PLEKHA8: variants seen among roughly 807,000 people sequenced by gnomAD.
PLEKHA8 encodes pleckstrin homology domain-containing family A member 8.
Under a neutral mutation model 68.2 loss-of-function variants are expected in PLEKHA8, and 36 were observed. That is an observed-to-expected ratio of 0.53 (90% CI 0.40 to 0.70). The LOEUF (loss-of-function observed/expected upper bound fraction) is 0.70, where lower values mean the gene tolerates loss of function less well. Among genes scored for constraint, PLEKHA8 ranks in the 30% least tolerant of loss-of-function variants. The probability of loss-of-function intolerance (pLI) is 0.00; values close to 1 mark genes in which losing one functional copy is unlikely to be tolerated. For missense variants in PLEKHA8, 505 were observed against 615.4 expected, an observed-to-expected ratio of 0.82 and a Z score of 1.90; for synonymous variants, 211 against 216.1, an observed-to-expected ratio of 0.98 and a Z score of 0.20.
At chr7:30,120,188 ATAAC>A (rs1317357174) in intron 13 of PLEKHA8, among the ~76,000 whole-genome samples, 1 of 152,046 alleles carries the variant, frequency 6.6e-6, no homozygotes, top group Admixed American at 6.6e-5. Context: ...AAAACAGAAA[ATAAC>A]ATGTTGGCAG....
intron 3 of PLEKHA8, among the ~76,000 whole-genome samples, chr7:30,046,727 A>C (rs2127972923): frequency 6.6e-6 from 1 of 152,330 alleles, no homozygotes; most frequent in East Asian, 1.9e-4. Flanking sequence ...ATTAGTGATG[A>C]TAAAATGGTG....
chr7:30,060,882 A>G lies in PLEKHA8; in HGVS notation c.1040-2A>G, dbSNP rs1038216249. On this transcript the variant is annotated splice_acceptor_variant, in intron 9 of 13. Coordinates refer to ENST00000449726, the MANE Select transcript of PLEKHA8 (RefSeq NM_001197026.2). LOFTEE classifies it high-confidence loss of function. ...AGAAATGTTTTTAATCTTTTCTTCT[A>G]GACAAACTTGGCCCTACAGTGTTTG... is the stretch of plus-strand genomic sequence containing the variant. 5 of 1,611,480 alleles carry G rather than the reference A, an allele frequency of 3.1e-6. No homozygotes were observed. Among genetic ancestry groups the G allele is most frequent in the Non-Finnish European group, 4.2e-6 (5 of 1,179,032 alleles).
chr7:30,102,752 G>A (rs1278686314), intron 13 of PLEKHA8, among the ~76,000 whole-genome samples: 1 of 152,198 alleles, frequency 6.6e-6, no homozygotes, highest in African/African-American at 2.4e-5. Flanking sequence ...GCAAATCAGA[G>A]ATTACCAGAG....
In PLEKHA8 at chr7:30,044,056, G is replaced by T. The variant is rs1281547762; in HGVS notation, c.41-1029G>T. Among the ~76,000 whole-genome samples, 10 of 145,976 alleles carry T rather than the reference G, an allele frequency of 6.9e-5. No homozygotes were observed. The East Asian group carries it at 1.4e-3, about 20-fold the overall frequency. ...GATTTTTTTTTTTTTTTTTTGAGAC[G>T]GAGTCTCAAAAAAGATCTCGGCTCA... On this transcript the variant is annotated intron_variant, in intron 1 of 13. Coordinates refer to ENST00000449726, the MANE Select transcript of PLEKHA8 (RefSeq NM_001197026.2).
intron 13 of PLEKHA8, among the ~76,000 whole-genome samples, chr7:30,122,586 T>C (rs990448517): frequency 6.6e-6 from 1 of 152,214 alleles, no homozygotes; most frequent in Non-Finnish European, 1.5e-5. Context: ...CCATTGAGAA[T>C]ATCTCCATCT....
intron 13 of PLEKHA8, chr7:30,118,145 G>GC (rs1649617569): frequency 1.1e-6 from 1 of 872,920 alleles, no homozygotes; most frequent in Non-Finnish European, 1.6e-6. Context: ...AGGATGCCCA[G>GC]CAAGCCCCGA....
intron 13 of PLEKHA8, chr7:30,116,114 A>G (rs919606300): frequency 6.6e-6 from 1 of 150,788 alleles, no homozygotes; most frequent in African/African-American, 2.4e-5. Context: ...GCATACATAC[A>G]CGTATACATG....
At chr7:30,105,423 G>A (rs2128013995) in intron 13 of PLEKHA8, among the ~76,000 whole-genome samples, 1 of 151,396 alleles carries the variant, frequency 6.6e-6, no homozygotes, top group Middle Eastern at 3.4e-3. Flanking sequence ...GGTTGAGATT[G>A]CAGTGAGCTG....
In PLEKHA8 at chr7:30,119,869, C is replaced by T. The variant is rs1796666808; in HGVS notation, c.1363-9397C>T. On this transcript the variant is annotated intron_variant, in intron 13 of 13. Coordinates refer to the PLEKHA8 transcript ENST00000396257. The stretch of plus-strand genomic sequence containing the variant: ...TTAGGATGTATTTATGTGCTCTGAT[C>T]TTCTGGCCTCCTGACACTAAATATA... Among the ~76,000 whole-genome samples the T allele has an allele frequency of 3.3e-5, 5 of 152,314 alleles. No homozygotes were observed. In the South Asian group the frequency reaches 1.0e-3, roughly 32 times the overall value.
chr7:30,124,203 T>C (rs897863649), intron 13 of PLEKHA8, among the ~76,000 whole-genome samples: 5 of 152,218 alleles, frequency 3.3e-5, no homozygotes, highest in Admixed American at 6.5e-5. Flanking sequence ...TTTTAGGACT[T>C]ATTGAGGACC....
intron 13 of PLEKHA8, among the ~76,000 whole-genome samples, chr7:30,117,639 G>C (rs1261416400): frequency 6.6e-6 from 1 of 152,094 alleles, no homozygotes; most frequent in Non-Finnish European, 1.5e-5. Flanking sequence ...AGGAGTTCAA[G>C]GCTGCAGTGA....
Position 30,100,538 on chromosome 7 carries a change from G to A in PLEKHA8, c.1362+26406G>A, listed in dbSNP as rs1234218658. Among the ~76,000 whole-genome samples, 6 of 152,126 alleles carry A rather than the reference G, an allele frequency of 3.9e-5. No individual in the cohort carries two copies. The South Asian group carries it at 8.3e-4, about 21-fold the overall frequency. ...TGCACTCCAACCTGGGCAACAGAGC[G>A]AGACTGTGTCTCAAAAAAATTAATT... On this transcript the variant is annotated intron_variant, in intron 13 of 13. Transcript: ENST00000396257.
rs1790374969 is a variant in PLEKHA8 at position 30,028,489 on chromosome 7, T to G, written c.-274T>G. 5.8e-6 allele frequency: 2 copies of G among 346,632 alleles called. No homozygotes were observed. Among genetic ancestry groups the G allele is most frequent in the Non-Finnish European group, 1.0e-5 (2 of 192,672 alleles). The allele number at this position is 346,632 out of a possible 1,614,324, so 21.5% of individuals were successfully genotyped here. On this transcript the variant is annotated 5_prime_UTR_variant, in exon 1 of 14. Transcript: ENST00000449726. ...GCTTCGGCTGCCCCTCCGACCCACG[T>G]AGGGCCCGGACCCGGGCCTCCTTGT...
intron 13 of PLEKHA8, among the ~76,000 whole-genome samples, chr7:30,115,438 A>T (rs1394157875): frequency 6.6e-6 from 1 of 152,080 alleles, no homozygotes; most frequent in Non-Finnish European, 1.5e-5. Context: ...AGATATACAT[A>T]TATACATGTA....
rs760168564 is a variant in PLEKHA8 at position 30,055,361 on chromosome 7, C to T, written c.1039+19C>T. On this transcript the variant is annotated intron_variant, in intron 9 of 13. Coordinates refer to ENST00000449726, the MANE Select transcript of PLEKHA8 (RefSeq NM_001197026.2). Reference sequence around the variant, plus strand: ...GTATTAGGTAAGATTCCTGCAGTTGCCTTACATTCATTCATGTCTAGAATC... The same window carrying T: ...GTATTAGGTAAGATTCCTGCAGTTGTCTTACATTCATTCATGTCTAGAATC... 1.9e-6 allele frequency: 3 copies of T among 1,603,522 alleles called. No homozygotes were observed. Among genetic ancestry groups the T allele is most frequent in the Middle Eastern group, 3.3e-4 (2 of 6,048 alleles).
In PLEKHA8 at chr7:30,053,885, C is replaced by T. The variant is rs148202347; in HGVS notation, c.797-824C>T. ...ACTTTGGTCACAAAATTTTTGTCTACCAATCAATACATAACCTTGTTTTAT... is the reference window on the plus strand; with the variant it reads ...ACTTTGGTCACAAAATTTTTGTCTATCAATCAATACATAACCTTGTTTTAT... On this transcript the variant is annotated intron_variant, in intron 7 of 13. Transcript: ENST00000449726. Among the ~76,000 whole-genome samples the T allele has an allele frequency of 4.9e-3, 743 of 152,228 alleles. 6 individuals carry two copies. The highest frequency in any genetic ancestry group is 0.017 in the African/African-American group (697 of 41,538).
intron 4 of PLEKHA8, among the ~76,000 whole-genome samples, chr7:30,048,632 G>C (rs1792154949): frequency 6.6e-6 from 1 of 152,174 alleles, no homozygotes; most frequent in African/African-American, 2.4e-5. Flanking sequence ...TCTCTGCTCT[G>C]CTTTCAAAGA....
intron 4 of PLEKHA8, among the ~76,000 whole-genome samples, chr7:30,048,845 G>C (rs1792172543): frequency 1.3e-5 from 2 of 152,114 alleles, no homozygotes; most frequent in African/African-American, 4.8e-5. Context: ...TGTGAGGGGA[G>C]GGGGAGGGAA....
At chr7:30,045,318 C>T (rs1562859091) in intron 2 of PLEKHA8, 117 bp downstream of exon 2, 2 of 709,522 alleles carry the variant, frequency 2.8e-6, no homozygotes, top group Non-Finnish European at 4.7e-6. Flanking sequence ...GACCAAGGGA[C>T]ATAGTGTTAT....
Sources: gnomAD v4.1 joint callset for allele counts (sites outside exome capture counted in the v4.1 genomes callset) on GRCh38, gnomAD v4.1.1 for gene constraint, MANE v1.5 for transcripts, NCBI Gene and HGNC (gene_info 2026-07-23, HGNC 2026-07-21) for gene names.